SH3KBP1: variants seen among roughly 807,000 people sequenced by gnomAD.
SH3KBP1 encodes SH3 domain-containing kinase-binding protein 1.
SH3KBP1 carries 8 observed loss-of-function variants against 50.1 expected under a neutral mutation model. The ratio of observed to expected loss-of-function variants is 0.16; its 90% CI spans 0.09 to 0.29. The LOEUF (loss-of-function observed/expected upper bound fraction) is 0.29. Among genes scored for constraint, SH3KBP1 ranks in the 10% least tolerant of loss-of-function variants. The probability of loss-of-function intolerance (pLI) is 1.00; values close to 1 mark genes in which losing one functional copy is unlikely to be tolerated. For synonymous variants in SH3KBP1, 227 were observed against 218.6 expected (o/e 1.04, Z -0.34); for missense variants, 377 against 535.2 (o/e 0.70, Z 2.92).
At chrX:19,699,788 C>T (rs897891251) in intron 4 of SH3KBP1, among the ~76,000 whole-genome samples, 1 of 111,748 alleles carries the variant, frequency 8.9e-6, no homozygotes, top group Non-Finnish European at 1.9e-5. Context: ...CCCATCCCCA[C>T]CCCTTCTTGC....
At chrX:19,770,416 C>G (rs1406596312) in intron 2 of SH3KBP1, among the ~76,000 whole-genome samples, 2 of 111,973 alleles carry the variant, frequency 1.8e-5, no homozygotes, top group Non-Finnish European at 1.9e-5. Context: ...TGTATATATA[C>G]CATATTTTCT....
At chrX:19,711,823 T>C (rs1461082765) in intron 3 of SH3KBP1, among the ~76,000 whole-genome samples, 2 of 111,363 alleles carry the variant, frequency 1.8e-5, no homozygotes, top group East Asian at 5.6e-4. Context: ...ATTCCCAGTT[T>C]CCAGGGTTAC....
At chrX:19,636,712 C>G (rs980301525) in intron 7 of SH3KBP1, among the ~76,000 whole-genome samples, 1 of 111,617 alleles carries the variant, frequency 9.0e-6, no homozygotes, top group African/African-American at 3.3e-5. Flanking sequence ...CAAAAACCCT[C>G]TCAGCTTAAA....
intron 2 of SH3KBP1, among the ~76,000 whole-genome samples, chrX:19,823,988 T>C (rs1428284321): frequency 2.7e-5 from 3 of 110,805 alleles, no homozygotes; most frequent in African/African-American, 9.9e-5. Flanking sequence ...GCCTGGCTAC[T>C]TTTTGTATTT....
intron 2 of SH3KBP1, among the ~76,000 whole-genome samples, chrX:19,778,698 C>T (rs749630460): frequency 9.0e-6 from 1 of 110,659 alleles, no homozygotes; most frequent in South Asian, 3.8e-4. Flanking sequence ...ATCGTCACTC[C>T]CATGACTGAC....
intron 1 of SH3KBP1, among the ~76,000 whole-genome samples, chrX:19,881,661 G>A (rs777983502): frequency 6.8e-4 from 76 of 111,519 alleles, no homozygotes; most frequent in African/African-American, 2.3e-3. Context: ...GACCAAGACT[G>A]GGGACAGATG....
In SH3KBP1 at chrX:19,882,039, C is replaced by T. The variant is rs191769891; in HGVS notation, c.4+5268G>A. Among the ~76,000 whole-genome samples the T allele has an allele frequency of 2.5e-3, 281 of 110,804 alleles. 1 individual carries two copies. Among genetic ancestry groups the T allele is most frequent in the Non-Finnish European group, 4.2e-3 (221 of 52,853 alleles). The stretch of plus-strand genomic sequence containing the variant: ...GAGGAAAGGGGAAGAGTGGGACAAG[C>T]TGTCTCAAAAAAACAGCAGTGAAGA... On this transcript the variant is annotated intron_variant, in intron 1 of 17. Coordinates refer to ENST00000397821, the MANE Select transcript of SH3KBP1 (RefSeq NM_031892.3).
At position 19,683,585 on chromosome X, in the gene SH3KBP1, G is replaced by A. The variant is rs745337961; in HGVS notation, c.726+238C>T. Among the ~76,000 whole-genome samples the A allele has an allele frequency of 2.7e-5, 3 of 111,254 alleles. No individual in the cohort carries two copies. The South Asian group carries it at 1.1e-3, about 42-fold the overall frequency. On this transcript the variant is annotated intron_variant, in intron 6 of 17. Transcript: ENST00000397821. ...ACTGGTCCATTTCCAAAGTCATCCT[G>A]AGAAGCATTCCCTAGAGAGATCAGC...
chrX:19,729,273 G>A (rs1419374513), intron 3 of SH3KBP1, among the ~76,000 whole-genome samples: 2 of 113,053 alleles, frequency 1.8e-5, no homozygotes, highest in Admixed American at 9.3e-5. Context: ...ACACTCATCA[G>A]CTCTAATAAA....
intron 6 of SH3KBP1, among the ~76,000 whole-genome samples, chrX:19,665,769 T>C (rs771966834): frequency 8.9e-6 from 1 of 112,022 alleles, no homozygotes; most frequent in East Asian, 2.8e-4. Context: ...CACACCACCA[T>C]GCAGTCAAAG....
At chrX:19,719,660 C>T (rs1354086712) in intron 3 of SH3KBP1, among the ~76,000 whole-genome samples, 1 of 109,717 alleles carries the variant, frequency 9.1e-6, no homozygotes, top group Non-Finnish European at 1.9e-5. Context: ...GGTGCAGGGG[C>T]TCTGATTTCA....
chrX:19,730,934 A>AT (rs1288430899), intron 3 of SH3KBP1, among the ~76,000 whole-genome samples: 1 of 111,612 alleles, frequency 9.0e-6, no homozygotes, highest in African/African-American at 3.3e-5. Context: ...ATTTTATTTT[A>AT]TTTATTTGTT....
rs766059792 is a variant in SH3KBP1 at position 19,847,698 on chromosome X, T to C, written c.5-11416A>G. ...TTTCACCAATGATGTCACATAGTAA[T>C]TGGGAGTCTATCAAGACAGTAACTA... On this transcript the variant is annotated intron_variant, in intron 1 of 17. Transcript: ENST00000397821. Among the ~76,000 whole-genome samples the C allele has an allele frequency of 5.3e-5, 6 of 112,325 alleles. No homozygotes were observed. In the South Asian group the frequency reaches 1.8e-3, roughly 34 times the overall value.
rs2065486060 is a variant in SH3KBP1, at chrX:19,763,212, C to T, written c.163-16771G>A. Among the ~76,000 whole-genome samples the T allele has an allele frequency of 2.7e-5, 3 of 111,949 alleles. 1 individual carries two copies. The Admixed American group carries it at 2.8e-4, about 11-fold the overall frequency. ...TAGAGTGAAATTTCTGGGTCAACAA[C>T]TTGGTGCATCCTTACTTTTAGCAGA... On this transcript the variant is annotated intron_variant, in intron 2 of 17. Coordinates refer to ENST00000397821, the MANE Select transcript of SH3KBP1 (RefSeq NM_031892.3).
At chrX:19,564,834 T>G (rs1431836215) in intron 13 of SH3KBP1, among the ~76,000 whole-genome samples, 1 of 109,812 alleles carries the variant, frequency 9.1e-6, no homozygotes, top group African/African-American at 3.3e-5. Context: ...CTTTGTTGTC[T>G]GTGGGGGCTA....
At chrX:19,740,806 G>A (rs997997300) in intron 3 of SH3KBP1, 1 of 322,285 alleles carries the variant, frequency 3.1e-6, no homozygotes, top group East Asian at 1.0e-4. Context: ...AAGAGCTCAC[G>A]GCCTATCAAG....
At chrX:19,867,380 C>T (rs998936825) in intron 1 of SH3KBP1, among the ~76,000 whole-genome samples, 21 of 111,726 alleles carry the variant, frequency 1.9e-4, no homozygotes, top group African/African-American at 6.9e-4. Context: ...TTGCATTTTC[C>T]AGCAGACCAA....
chrX:19,760,037 T>C lies in SH3KBP1; in HGVS notation c.163-13596A>G, dbSNP rs781194880. On this transcript the variant is annotated intron_variant, in intron 2 of 17. Coordinates refer to ENST00000397821, the MANE Select transcript of SH3KBP1 (RefSeq NM_031892.3). ...TCTCTCTCTCTCCTCTCTCTCTCTC[T>C]CTCCCTCTCTCTCTCTCTCTCTCTC... is the stretch of plus-strand genomic sequence containing the variant. 2.7e-4 allele frequency among the ~76,000 whole-genome samples: 17 copies of C among 63,867 alleles called. No individual in the cohort carries two copies. The South Asian group carries it at 4.4e-3, about 16-fold the overall frequency. 55.5% of individuals were successfully genotyped at this position (63,867 alleles called of 115,157 possible). A position where few individuals can be genotyped will look rare whatever the true frequency, so the allele number is the denominator to read the frequency against.
chrX:19,777,249 T>A (rs1260323058), intron 2 of SH3KBP1, among the ~76,000 whole-genome samples: 1 of 111,201 alleles, frequency 9.0e-6, no homozygotes, highest in African/African-American at 3.3e-5. Context: ...GTGGGAGGGT[T>A]AGACACAGAG....
Sources: gnomAD v4.1 joint callset for allele counts (sites outside exome capture counted in the v4.1 genomes callset) on GRCh38, gnomAD v4.1.1 for gene constraint, MANE v1.5 for transcripts, NCBI Gene and HGNC (gene_info 2026-07-23, HGNC 2026-07-21) for gene names.